The following SMTN variants were observed in gnomAD, a reference collection of about 807,000 sequenced individuals.
The protein encoded by SMTN is smoothelin.
Under a neutral mutation model 102.0 loss-of-function variants are expected in SMTN, and 58 were observed. The observed-to-expected ratio is 0.57, with a 90% CI of 0.46 to 0.71. The LOEUF (loss-of-function observed/expected upper bound fraction) is 0.71, where lower values mean the gene tolerates loss of function less well. Among genes scored for constraint, SMTN ranks in the 30% least tolerant of loss-of-function variants. The pLI, the probability that SMTN is intolerant of heterozygous loss-of-function variation, is 0.00. For missense variants in SMTN, 1,185 were observed against 1,241.7 expected, an observed-to-expected ratio of 0.95 and a Z score of 0.69; for synonymous variants, 478 against 497.9, an observed-to-expected ratio of 0.96 and a Z score of 0.53.
chr22:31,082,388 G>C (rs2042366025), intron 1 of SMTN: 6 of 406,402 alleles, frequency 1.5e-5, no homozygotes, highest in South Asian at 1.1e-4. Context: ...AGGCCCTTGA[G>C]GGCACTTTGG....
In SMTN at chr22:31,095,714, T is replaced by G; in HGVS notation, c.1861+105T>G. The G allele has an allele frequency of 1.0e-6, 1 of 968,908 alleles. No individual in the cohort carries two copies. The allele number at this position is 968,908 out of a possible 1,614,324, so 60.0% of individuals were successfully genotyped here. Reference sequence around the variant, plus strand: ...GGACACCCCAGCTTAATAACTGCCCTACCCAGCTTCTCCTTCTCTAGACCC... The same window carrying G: ...GGACACCCCAGCTTAATAACTGCCCGACCCAGCTTCTCCTTCTCTAGACCC... On this transcript the variant is annotated intron_variant, in intron 13 of 20. Coordinates refer to ENST00000333137, the MANE Select transcript of SMTN (RefSeq NM_134269.3). This position sits in a 1 kb window ranked among gnomAD's most constrained non-coding sequence, Gnocchi z 4.1.
intron 20 of SMTN, chr22:31,101,791 A>AC (rs2044116223): frequency 6.5e-6 from 1 of 152,748 alleles, no homozygotes; most frequent in East Asian, 1.9e-4. Flanking sequence ...CTCAAAAAAA[A>AC]AAAAAAAAAA....
At position 31,089,962 on chromosome 22, in the gene SMTN, C is replaced by G. The variant is rs767926341; in HGVS notation, c.735C>G (p.Ser245Arg). 3 of 1,599,618 alleles carry G rather than the reference C, an allele frequency of 1.9e-6. No individual in the cohort carries two copies. The highest frequency in any genetic ancestry group is 1.1e-5 in the South Asian group (1 of 89,406). ...EPPPSPPKTT[S>R]PEPQESPTLP... The stretch of plus-strand genomic sequence containing the variant: ...CCCCCAGCCCACCCAAGACCACCAG[C>G]CCTGAGCCTCAGGAGTCTCCAACGC... Residue 245 changes from serine to arginine, a missense_variant, in exon 7 of 21, where the codon AGC (serine) becomes AGG (arginine). Around this residue, in one of 2 missense-constraint regions of SMTN, gnomAD observed 1,096 missense variants for 1,112.7 expected, o/e 0.98. Coordinates refer to ENST00000333137, the MANE Select transcript of SMTN (RefSeq NM_134269.3).
intron 18 of SMTN, 152 bp downstream of exon 18, chr22:31,099,331 G>A: frequency 1.6e-6 from 1 of 612,876 alleles, no homozygotes; most frequent in Admixed American, 3.0e-5. Context: ...GGAAACTGAG[G>A]CTCAAAGAGG....
chr22:31,089,007 C>A, intron 6 of SMTN, 38 bp downstream of exon 6: 1 of 1,517,040 alleles, frequency 6.6e-7, no homozygotes, highest in Non-Finnish European at 9.1e-7. Context: ...GTCCTGTGCC[C>A]ATGGATACCG....
chr22:31,094,664 GTT>G (rs58498250), intron 11 of SMTN, among the ~76,000 whole-genome samples: 31,332 of 141,380 alleles, frequency 0.22, 4,876 homozygotes, highest in East Asian at 0.44. Flanking sequence ...TTCCCCTTCT[GTT>G]TTTTTTTTTT....
chr22:31,093,856 A>G, intron 11 of SMTN: 1 of 1,581,276 alleles, frequency 6.3e-7, no homozygotes. Flanking sequence ...CTCCACCGGC[A>G]CCACCCGCAG....
chr22:31,103,898 G>C (rs959708471), intron 20 of SMTN: 4 of 189,242 alleles, frequency 2.1e-5, no homozygotes, highest in South Asian at 1.2e-4. Context: ...CATAGATAAA[G>C]ATTGGCCAGT....
At chr22:31,099,216 C>T (rs748755658) in intron 18 of SMTN, 37 bp downstream of exon 18, 3 of 1,376,302 alleles carry the variant, frequency 2.2e-6, no homozygotes, top group Non-Finnish European at 3.1e-6. Context: ...GGAGGCCTCC[C>T]CAGACCCCAG....
chr22:31,091,367 C>T lies in SMTN; in HGVS notation c.1344C>T (p.Val448=), dbSNP rs16989323. Residue 448 remains valine, a synonymous_variant, in exon 10 of 21, where the codon GTC becomes GTT. Coordinates refer to ENST00000333137, the MANE Select transcript of SMTN (RefSeq NM_134269.3). ...CTGGTGCCCCGCTGCCCGTGGCCGT[C>T]GGCACTGCCGAGCCAGGGGGCAGTA... ...EEPGAPLPVA[V]GTAEPGGSMK... 4.5e-5 allele frequency: 72 copies of T among 1,604,264 alleles called. No individual in the cohort carries two copies. Among genetic ancestry groups the T allele is most frequent in the East Asian group, 4.0e-4 (18 of 44,858 alleles).
chr22:31,092,407 C>T, intron 11 of SMTN: 1 of 466,732 alleles, frequency 2.1e-6, no homozygotes, highest in Non-Finnish European at 4.5e-6. Context: ...GAGGCAGCAG[C>T]CTAGCAGGTG....
At chr22:31,101,260 TG>T in intron 20 of SMTN, 1 of 545,264 alleles carries the variant, frequency 1.8e-6, no homozygotes, top group Admixed American at 3.1e-5. Context: ...AGCACTGTGA[TG>T]GGGGAAGCCC....
intron 2 of SMTN, chr22:31,085,437 C>G: frequency 2.7e-6 from 2 of 727,914 alleles, no homozygotes; most frequent in Non-Finnish European, 4.4e-6. Flanking sequence ...CTGGAGAGCC[C>G]CCTCCGTTGT....
intron 20 of SMTN, chr22:31,103,998 G>A: frequency 2.7e-6 from 1 of 373,008 alleles, no homozygotes; most frequent in Non-Finnish European, 5.0e-6. Flanking sequence ...TGGTCTCCAG[G>A]GAGAACATGG....
intron 1 of SMTN, among the ~76,000 whole-genome samples, chr22:31,071,676 C>T (rs867331444): frequency 6.9e-6 from 1 of 145,648 alleles, no homozygotes; most frequent in Admixed American, 6.7e-5. Context: ...TTCTAGCTCT[C>T]TCTTTCTCTC....
At chr22:31,103,984 A>G (rs1285998832) in intron 20 of SMTN, 1 of 329,622 alleles carries the variant, frequency 3.0e-6, no homozygotes, top group East Asian at 5.4e-5. Flanking sequence ...GGGTGAGCAG[A>G]AGGTGGTCTC....
rs767836370 is a variant in SMTN at position 31,090,100 on chromosome 22, C to T, written c.793-8C>T. Reference sequence around the variant, plus strand: ...GCCTTGCTCAGGCCCTGTTCTTCTCCCTTGCAGCTTCTGTCTGGCCCCAAA... The same window carrying T: ...GCCTTGCTCAGGCCCTGTTCTTCTCTCTTGCAGCTTCTGTCTGGCCCCAAA... On this transcript the variant is annotated splice_region_variant and splice_polypyrimidine_tract_variant and intron_variant, in intron 7 of 20. Transcript: ENST00000333137. 3.1e-6 allele frequency: 5 copies of T among 1,611,782 alleles called. No individual in the cohort carries two copies. Among genetic ancestry groups the T allele is most frequent in the Non-Finnish European group, 3.4e-6 (4 of 1,178,840 alleles).
At position 31,096,887 on chromosome 22, in the gene SMTN, C is replaced by A. The variant is rs202175530; in HGVS notation, c.2016C>A (p.Leu672=). Reference sequence around the variant, plus strand: ...GCACTGTTACCAAGACTGAGCGGCTCGTCCACTCCAGTAAGGGGCCAAATG... The same window carrying A: ...GCACTGTTACCAAGACTGAGCGGCTAGTCCACTCCAGTAAGGGGCCAAATG... ...AVSTVTKTER[L]VHSNDGTRTA... Residue 672 remains leucine (L), a synonymous_variant, in exon 14 of 21, where the codon CTC becomes CTA. Transcript: ENST00000333137. 4 of 1,589,924 alleles carry A rather than the reference C, an allele frequency of 2.5e-6. No homozygotes were observed. Among genetic ancestry groups the A allele is most frequent in the Non-Finnish European group, 3.4e-6 (4 of 1,166,112 alleles).
chr22:31,067,613 G>GGT (rs1569231086), intron 1 of SMTN: 1 of 142,444 alleles, frequency 7.0e-6, no homozygotes, highest in African/African-American at 2.6e-5. Context: ...GGAGTGCAGT[G>GGT]GCACGATCTT....
Sources: allele counts gnomAD v4.1 joint callset (sites outside exome capture counted in the v4.1 genomes callset), GRCh38; gene constraint gnomAD v4.1.1; regional missense constraint gnomAD v4.1.1; non-coding constraint Gnocchi (gnomAD v3.1); transcripts MANE v1.5; gene names NCBI Gene and HGNC (gene_info 2026-07-23, HGNC 2026-07-21).